The following DLGAP2 variants were observed in gnomAD, a reference collection of about 807,000 sequenced individuals.
The protein encoded by DLGAP2 is disks large-associated protein 2.
DLGAP2 carries 26 observed loss-of-function variants against 100.3 expected under a neutral mutation model. That is an observed-to-expected ratio of 0.26 (90% CI 0.19 to 0.36). The LOEUF is 0.36. Ranked by LOEUF, DLGAP2 falls within the 10% of genes least tolerant of loss-of-function variation. The pLI is 1.00. For synonymous variants in DLGAP2, 886 were observed against 630.1 expected, an observed-to-expected ratio of 1.41 and a Z score of -6.08; for missense variants, 1,858 against 1,453.2, an observed-to-expected ratio of 1.28 and a Z score of -4.53.
intron 3 of DLGAP2, among the ~76,000 whole-genome samples, chr8:1,278,791 A>G (rs1295189364): frequency 6.6e-6 from 1 of 152,346 alleles, no homozygotes; most frequent in East Asian, 1.9e-4. Flanking sequence ...AAGCCATAAA[A>G]ATAATTTCAG....
intron 8 of DLGAP2, among the ~76,000 whole-genome samples, chr8:1,633,402 C>T (rs528797866): frequency 4.6e-5 from 7 of 152,244 alleles, no homozygotes; most frequent in South Asian, 4.2e-4. Context: ...TCTGCTGATG[C>T]GCAGTGACTC....
At chr8:1,353,631 G>C (rs757592281) in intron 3 of DLGAP2, among the ~76,000 whole-genome samples, 29 of 152,248 alleles carry the variant, frequency 1.9e-4, no homozygotes, top group Non-Finnish European at 3.5e-4. Context: ...AAGGTGAGGG[G>C]TATTTGTACT....
At chr8:1,180,372 C>T (rs2116700300) in intron 2 of DLGAP2, among the ~76,000 whole-genome samples, 1 of 152,298 alleles carries the variant, frequency 6.6e-6, no homozygotes, top group Admixed American at 6.5e-5. Context: ...TTCTTTGATT[C>T]ATTTATTATC....
At chr8:1,494,863 T>A (rs1195440489) in intron 3 of DLGAP2, among the ~76,000 whole-genome samples, 4 of 152,168 alleles carry the variant, frequency 2.6e-5, no homozygotes, top group Non-Finnish European at 4.4e-5. Context: ...ATCTAACTCT[T>A]CTGTGGCGGC....
intron 4 of DLGAP2, among the ~76,000 whole-genome samples, chr8:1,527,357 T>A (rs996259266): frequency 6.6e-6 from 1 of 152,204 alleles, no homozygotes; most frequent in South Asian, 2.1e-4. Flanking sequence ...ACCTGGCACA[T>A]CTCTGAGTCA....
chr8:1,135,206 T>G (rs1796379446), intron 2 of DLGAP2, among the ~76,000 whole-genome samples: 1 of 152,174 alleles, frequency 6.6e-6, no homozygotes, highest in Non-Finnish European at 1.5e-5. Flanking sequence ...CATTGTGGGG[T>G]TTTTTGTTTT....
chr8:1,386,901 AAAAGT>A lies in DLGAP2; in HGVS notation c.107-114457_107-114453del, dbSNP rs1216479374. On this transcript the variant is annotated intron_variant, in intron 3 of 14. Coordinates refer to ENST00000637795, the MANE Select transcript of DLGAP2 (RefSeq NM_001346810.2). ...TTAATGATATAAATTATGCACATTA[AAAAGT>A]AAAGTAATAACTCCAGGGAAGGTAA... Among the ~76,000 whole-genome samples the A allele has an allele frequency of 3.4e-4, 52 of 152,346 alleles. 1 individual carries two copies. The highest frequency in any genetic ancestry group is 1.2e-3 in the African/African-American group (48 of 41,586).
rs1355759464 is a variant in DLGAP2 at position 1,705,630 on chromosome 8, C to T, written c.*4224C>T. ...CCCCACCTGTGAGCACAGAAACACG[C>T]TTCTCCAACACGGGCCGAAATAACT... On this transcript the variant is annotated 3_prime_UTR_variant, in exon 15 of 15. Coordinates refer to ENST00000637795, the MANE Select transcript of DLGAP2 (RefSeq NM_001346810.2). 2.0e-5 allele frequency: 3 copies of T among 152,344 alleles called. No individual in the cohort carries two copies. The highest frequency in any genetic ancestry group is 4.4e-5 in the Non-Finnish European group (3 of 68,118). The allele number at this position is 152,344 out of a possible 1,614,324, so 9.4% of individuals were successfully genotyped here.
intron 3 of DLGAP2, among the ~76,000 whole-genome samples, chr8:1,344,090 G>GGGGCCCTGTCGTGGGTCCATGTATTCA (rs1563094900): frequency 1.4e-5 from 1 of 73,200 alleles, no homozygotes. Flanking sequence ...TGTCGTACTC[G>GGGGCCCTGTCGTGGGTCCATGTATTCA]GGGCCCTGTC....
intron 2 of DLGAP2, among the ~76,000 whole-genome samples, chr8:1,052,927 C>G (rs1428400004): frequency 6.6e-6 from 1 of 152,142 alleles, no homozygotes; most frequent in East Asian, 1.9e-4. Flanking sequence ...ATATAGAGAA[C>G]CAGGTGATAT....
chr8:1,261,033 A>T (rs1799337216), intron 3 of DLGAP2, among the ~76,000 whole-genome samples: 1 of 152,202 alleles, frequency 6.6e-6, no homozygotes, highest in Non-Finnish European at 1.5e-5. Flanking sequence ...AGGGGAGGAA[A>T]CGTGTTCGTT....
chr8:1,608,916 G>A (rs1364171432), intron 6 of DLGAP2, among the ~76,000 whole-genome samples: 1 of 151,992 alleles, frequency 6.6e-6, no homozygotes, highest in Non-Finnish European at 1.5e-5. Context: ...ACGTCTGATT[G>A]GTGTACCTGA....
At chr8:1,522,190 T>C (rs1800627762) in intron 4 of DLGAP2, among the ~76,000 whole-genome samples, 1 of 152,218 alleles carries the variant, frequency 6.6e-6, no homozygotes, top group Non-Finnish European at 1.5e-5. Context: ...TCCTCTTCGG[T>C]GGGGTCCACT....
chr8:1,450,641 C>A (rs560129621), intron 3 of DLGAP2, among the ~76,000 whole-genome samples: 1 of 152,106 alleles, frequency 6.6e-6, no homozygotes, highest in Non-Finnish European at 1.5e-5. Context: ...TGTCTTCCCC[C>A]CCATCATTCC....
intron 3 of DLGAP2, among the ~76,000 whole-genome samples, chr8:1,284,909 C>G (rs1048018057): frequency 2.6e-5 from 4 of 152,206 alleles, no homozygotes; most frequent in Non-Finnish European, 1.5e-5. Flanking sequence ...TCTTGACCTT[C>G]TGTGTTCCTT....
intron 4 of DLGAP2, among the ~76,000 whole-genome samples, chr8:1,516,932 A>G (rs1016767659): frequency 6.6e-5 from 10 of 152,186 alleles, no homozygotes; most frequent in Non-Finnish European, 1.5e-4. Flanking sequence ...TGAAACAATA[A>G]AATACATAAA....
At chr8:1,663,089 G>A (rs889823634) in intron 8 of DLGAP2, among the ~76,000 whole-genome samples, 1 of 141,224 alleles carries the variant, frequency 7.1e-6, no homozygotes, top group African/African-American at 2.7e-5. Context: ...TTGTACATGT[G>A]TGTGGGGGAT....
intron 2 of DLGAP2, among the ~76,000 whole-genome samples, chr8:1,060,020 T>TG (rs1372280582): frequency 6.6e-6 from 1 of 152,082 alleles, no homozygotes; most frequent in African/African-American, 2.4e-5. Flanking sequence ...GTCGCTGGGA[T>TG]GGCTGGGTGA....
chr8:757,661 C>T (rs570807268), intron 1 of DLGAP2, among the ~76,000 whole-genome samples: 12 of 152,284 alleles, frequency 7.9e-5, no homozygotes, highest in African/African-American at 2.2e-4. Context: ...TGGGATCGTA[C>T]GGGACCATAT....
Sources: gnomAD v4.1 joint callset for allele counts (sites outside exome capture counted in the v4.1 genomes callset) on GRCh38, gnomAD v4.1.1 for gene constraint, MANE v1.5 for transcripts, NCBI Gene and HGNC (gene_info 2026-07-23, HGNC 2026-07-21) for gene names.